Variants in FRAS1 observed in about 807,000 individuals in gnomAD.
The protein encoded by FRAS1 is Fraser extracellular matrix complex subunit 1, also known as extracellular matrix organizing protein FRAS1.
FRAS1 carries 290 observed loss-of-function variants against 435.2 expected under a neutral mutation model. That is an observed-to-expected ratio of 0.67 (90% confidence interval 0.61 to 0.73). The LOEUF (loss-of-function observed/expected upper bound fraction) is 0.73, where lower values mean the gene tolerates loss of function less well. Ranked by LOEUF, FRAS1 falls within the 30% of genes least tolerant of loss-of-function variation. FRAS1 has a pLI of 0.00. For synonymous variants in FRAS1, 1,800 were observed against 1,851.0 expected (o/e 0.97, Z 0.71); for missense variants, 4,860 against 5,001.5 (o/e 0.97, Z 0.85).
At chr4:78,268,217 T>G (rs1217752291) in intron 9 of FRAS1, among the ~76,000 whole-genome samples, 2 of 152,254 alleles carry the variant, frequency 1.3e-5, no homozygotes, top group African/African-American at 4.8e-5. Context: ...AGCCCTGGGT[T>G]TCTGTGAAGG....
chr4:78,279,996 T>A (rs1350243871), intron 10 of FRAS1, among the ~76,000 whole-genome samples: 1 of 152,168 alleles, frequency 6.6e-6, no homozygotes, highest in Non-Finnish European at 1.5e-5. Context: ...TATCACACAC[T>A]GTGGCTGTAA....
chr4:78,262,007 G>A (rs576181502), intron 6 of FRAS1, among the ~76,000 whole-genome samples: 31 of 152,272 alleles, frequency 2.0e-4, no homozygotes, highest in African/African-American at 6.7e-4. Flanking sequence ...TATAGTCACT[G>A]CTTGAAAGCT....
chr4:78,467,006 G>A (rs1455105212), intron 50 of FRAS1, among the ~76,000 whole-genome samples: 1 of 152,010 alleles, frequency 6.6e-6, no homozygotes, highest in Non-Finnish European at 1.5e-5. Context: ...TTTGATATGG[G>A]CATACAATGT....
chr4:78,439,042 T>C lies in FRAS1; in HGVS notation c.5507T>C (p.Ile1836Thr). The C allele has an allele frequency of 1.2e-6, 2 of 1,613,492 alleles. No homozygotes were observed. Among genetic ancestry groups the C allele is most frequent in the Non-Finnish European group, 1.7e-6 (2 of 1,179,724 alleles). Residue 1836 changes from isoleucine to threonine, a missense_variant, in exon 40 of 74, where the codon ATT (isoleucine) becomes ACT (threonine). Ile to Thr is a moderately conservative substitution (Grantham distance 89). Transcript: ENST00000512123. ...ITPAENPPPV[I>T]AFADLITVDE... ...CCTGCTGAAAATCCACCTCCAGTCATTGCTTTTGCTGACCTTATCACGGTA... is the reference window on the plus strand; with the variant it reads ...CCTGCTGAAAATCCACCTCCAGTCACTGCTTTTGCTGACCTTATCACGGTA...
chr4:78,193,573 A>G (rs144126066), intron 2 of FRAS1, among the ~76,000 whole-genome samples: 2,421 of 152,140 alleles, frequency 0.016, 59 homozygotes, highest in African/African-American at 0.047. Context: ...AGTCTGTTTT[A>G]TCAGAGACTA....
chr4:78,308,812 T>G (rs1167128609), intron 15 of FRAS1, among the ~76,000 whole-genome samples: 1 of 152,148 alleles, frequency 6.6e-6, no homozygotes, highest in Non-Finnish European at 1.5e-5. Context: ...TTCGGCACAT[T>G]AGTCAATCTC....
chr4:78,522,127 C>T (rs911103190), intron 68 of FRAS1, among the ~76,000 whole-genome samples: 20 of 152,118 alleles, frequency 1.3e-4, no homozygotes, highest in Middle Eastern at 3.2e-3. Context: ...TTATTCACAA[C>T]GCTATTTCAG....
intron 2 of FRAS1, among the ~76,000 whole-genome samples, chr4:78,228,146 AATTTC>A (rs1349569540): frequency 6.6e-6 from 1 of 152,242 alleles, no homozygotes; most frequent in Non-Finnish European, 1.5e-5. Context: ...GCTATAATTT[AATTTC>A]ATGTGCAAAC....
chr4:78,184,966 A>C (rs1722211995), intron 2 of FRAS1, among the ~76,000 whole-genome samples: 1 of 152,224 alleles, frequency 6.6e-6, no homozygotes, highest in Admixed American at 6.5e-5. Flanking sequence ...TGTTGACATG[A>C]AAAACCATCA....
intron 35 of FRAS1, 56 bp from the exon 36 acceptor site, chr4:78,429,039 C>CGTGTCTCTGTGTGTGTGTGTGTGT: frequency 7.2e-7 from 1 of 1,398,090 alleles, no homozygotes; most frequent in Non-Finnish European, 9.6e-7. Context: ...TGTGTGTGTG[C>CGTGTCTCTGTGTGTGTGTGTGTGT]GTGTCTCTGT....
intron 59 of FRAS1, among the ~76,000 whole-genome samples, chr4:78,492,962 GA>G (rs1720407086): frequency 6.6e-6 from 1 of 151,752 alleles, no homozygotes; most frequent in Non-Finnish European, 1.5e-5. Context: ...AATTTACAAG[GA>G]AAAAACAACC....
intron 29 of FRAS1, among the ~76,000 whole-genome samples, chr4:78,396,824 C>CA (rs1366629215): frequency 2.0e-5 from 3 of 152,120 alleles, no homozygotes; most frequent in African/African-American, 7.2e-5. Flanking sequence ...TTGAATTTTT[C>CA]AGTTCAATCA....
intron 2 of FRAS1, among the ~76,000 whole-genome samples, chr4:78,131,562 A>G (rs1426954745): frequency 1.3e-5 from 2 of 152,238 alleles, no homozygotes; most frequent in African/African-American, 4.8e-5. Flanking sequence ...TCTTCATAAT[A>G]AAAGCAGCGT....
intron 7 of FRAS1, among the ~76,000 whole-genome samples, chr4:78,265,975 C>T (rs1480020434): frequency 6.6e-6 from 1 of 152,152 alleles, no homozygotes; most frequent in Non-Finnish European, 1.5e-5. Flanking sequence ...ACAGTGGCCA[C>T]ATATGTGGCT....
intron 2 of FRAS1, among the ~76,000 whole-genome samples, chr4:78,084,849 A>T (rs1244475751): frequency 2.0e-5 from 3 of 152,100 alleles, no homozygotes; most frequent in African/African-American, 7.2e-5. Context: ...GAACAGAGCT[A>T]AAAAATACAT....
intron 2 of FRAS1, among the ~76,000 whole-genome samples, chr4:78,167,297 G>T (rs1490247962): frequency 6.6e-6 from 1 of 152,094 alleles, no homozygotes; most frequent in Non-Finnish European, 1.5e-5. Flanking sequence ...ACTTCTGGGA[G>T]CTCACAGTCT....
intron 18 of FRAS1, among the ~76,000 whole-genome samples, chr4:78,332,719 T>C (rs1389141519): frequency 6.6e-6 from 1 of 152,260 alleles, no homozygotes; most frequent in Non-Finnish European, 1.5e-5. Context: ...CTATACTCTT[T>C]CATTCATTCT....
intron 9 of FRAS1, among the ~76,000 whole-genome samples, chr4:78,272,444 G>C (rs1726753637): frequency 6.6e-6 from 1 of 152,084 alleles, no homozygotes; most frequent in Non-Finnish European, 1.5e-5. Flanking sequence ...TATGGTTTTA[G>C]GTCTGCCATT....
At chr4:78,355,020 G>A (rs1730795052) in intron 20 of FRAS1, among the ~76,000 whole-genome samples, 2 of 152,156 alleles carry the variant, frequency 1.3e-5, no homozygotes, top group African/African-American at 4.8e-5. Flanking sequence ...CCTCACAGCT[G>A]CAGGGTGACA....
Sources: allele counts gnomAD v4.1 joint callset (sites outside exome capture counted in the v4.1 genomes callset), GRCh38; gene constraint gnomAD v4.1.1; transcripts MANE v1.5; gene names NCBI Gene and HGNC (gene_info 2026-07-23, HGNC 2026-07-21).